The following SGCZ variants were observed in gnomAD, a reference collection of about 807,000 sequenced individuals.
SGCZ encodes the protein sarcoglycan zeta, also known as zeta-sarcoglycan.
SGCZ carries 40 observed loss-of-function variants against 41.3 expected under a neutral mutation model. The ratio of observed to expected loss-of-function variants is 0.97; its 90% confidence interval spans 0.75 to 1.26. The LOEUF (loss-of-function observed/expected upper bound fraction) is 1.26. Among genes scored for constraint, SGCZ ranks in the 50% most tolerant of loss-of-function variants. The pLI is 0.00. For missense variants in SGCZ, 552 were observed against 369.8 expected (o/e 1.49, Z -4.04); for synonymous variants, 206 against 137.5 (o/e 1.50, Z -3.49).
At chr8:14,568,459 A>G (rs1231704271) in intron 1 of SGCZ, among the ~76,000 whole-genome samples, 1 of 147,634 alleles carries the variant, frequency 6.8e-6, no homozygotes, top group Non-Finnish European at 1.5e-5. Flanking sequence ...AAAAAAAAAA[A>G]ACTAAAGAAG....
chr8:14,218,886 T>C (rs1331262531), intron 4 of SGCZ, among the ~76,000 whole-genome samples: 2 of 152,104 alleles, frequency 1.3e-5, no homozygotes, highest in East Asian at 1.9e-4. Context: ...AGGCCAGCCA[T>C]TGAAGTCTAC....
At chr8:14,871,142 G>A (rs1365574345) in intron 1 of SGCZ, among the ~76,000 whole-genome samples, 1 of 152,066 alleles carries the variant, frequency 6.6e-6, no homozygotes, top group Non-Finnish European at 1.5e-5. Context: ...AAGAGGCAGA[G>A]GTTAACGTGA....
intron 1 of SGCZ, among the ~76,000 whole-genome samples, chr8:14,733,190 C>T (rs1798920267): frequency 6.6e-6 from 1 of 152,120 alleles, no homozygotes; most frequent in Non-Finnish European, 1.5e-5. Flanking sequence ...CCTAACTGCC[C>T]CAGGGCCAGG....
chr8:14,901,072 G>C (rs1798952239), intron 1 of SGCZ, among the ~76,000 whole-genome samples: 1 of 152,052 alleles, frequency 6.6e-6, no homozygotes, highest in South Asian at 2.1e-4. Context: ...CTTACTCAAA[G>C]GAAGAGAGCT....
At position 15,224,907 on chromosome 8, in the gene SGCZ, T is replaced by G. The variant is rs572190179; in HGVS notation, c.39+12678A>C. Among the ~76,000 whole-genome samples, 319 of 152,242 alleles carry G rather than the reference T, an allele frequency of 2.1e-3. 1 individual carries two copies. The highest frequency in any genetic ancestry group is 6.8e-3 in the African/African-American group (283 of 41,552). ...GTTTTAATTCACCAGGAAAATATAA[T>G]TTTAAACTTATATGTATCTTATAAC... On this transcript the variant is annotated intron_variant, in intron 1 of 7. Coordinates refer to ENST00000382080, the MANE Select transcript of SGCZ (RefSeq NM_139167.4).
At chr8:14,236,192 G>C (rs567826839) in intron 4 of SGCZ, among the ~76,000 whole-genome samples, 1 of 152,076 alleles carries the variant, frequency 6.6e-6, no homozygotes, top group Non-Finnish European at 1.5e-5. Flanking sequence ...TAAGTGGATG[G>C]TTCTTGCTTC....
intron 1 of SGCZ, among the ~76,000 whole-genome samples, chr8:14,955,277 T>G (rs1369329982): frequency 6.6e-6 from 1 of 152,232 alleles, no homozygotes; most frequent in Non-Finnish European, 1.5e-5. Flanking sequence ...TTGATGTGTG[T>G]AGCTATACTG....
chr8:14,272,974 C>CGAATTA (rs991126900), intron 3 of SGCZ, among the ~76,000 whole-genome samples: 15 of 151,326 alleles, frequency 9.9e-5, no homozygotes, highest in African/African-American at 3.6e-4. Flanking sequence ...GTGTGAATGT[C>CGAATTA]GAATTAGAAA....
intron 1 of SGCZ, among the ~76,000 whole-genome samples, chr8:15,223,247 CTAT>C (rs910657398): frequency 6.6e-6 from 1 of 152,150 alleles, no homozygotes; most frequent in Non-Finnish European, 1.5e-5. Flanking sequence ...AAGCTAAGCA[CTAT>C]CTAAAATGGA....
chr8:14,633,188 C>T (rs1158463802), intron 1 of SGCZ, among the ~76,000 whole-genome samples: 1 of 151,902 alleles, frequency 6.6e-6, no homozygotes. Flanking sequence ...TTGCTACCTG[C>T]ATAATTCATC....
intron 1 of SGCZ, among the ~76,000 whole-genome samples, chr8:15,034,042 G>C (rs1008360534): frequency 1.3e-5 from 2 of 151,824 alleles, no homozygotes; most frequent in East Asian, 1.9e-4. Context: ...CCTAAATTAA[G>C]AAGAAATATT....
chr8:15,191,424 T>C (rs1800533272), intron 1 of SGCZ, among the ~76,000 whole-genome samples: 1 of 152,086 alleles, frequency 6.6e-6, no homozygotes, highest in Admixed American at 6.6e-5. Context: ...AAGGGATTTA[T>C]ACTGAACTAT....
intron 1 of SGCZ, among the ~76,000 whole-genome samples, chr8:14,804,162 C>A (rs368267758): frequency 1.1e-5 from 1 of 87,660 alleles, no homozygotes. Context: ...AACTCTAAAA[C>A]GCAGAGCGCC....
At chr8:14,823,552 G>C (rs1470798233) in intron 1 of SGCZ, among the ~76,000 whole-genome samples, 2 of 152,106 alleles carry the variant, frequency 1.3e-5, no homozygotes, top group Non-Finnish European at 2.9e-5. Context: ...AGGTAGAATG[G>C]CTATTAAGAA....
intron 1 of SGCZ, among the ~76,000 whole-genome samples, chr8:15,153,066 C>T (rs964312090): frequency 6.6e-6 from 1 of 152,154 alleles, no homozygotes; most frequent in African/African-American, 2.4e-5. Context: ...CAGAGTTTCT[C>T]ATCTAAACCA....
At chr8:14,563,427 G>T (rs535248747) in intron 1 of SGCZ, among the ~76,000 whole-genome samples, 2 of 152,286 alleles carry the variant, frequency 1.3e-5, no homozygotes, top group African/African-American at 2.4e-5. Flanking sequence ...GAAAAAAGTC[G>T]TTAAGGAAAT....
At chr8:15,012,537 TA>T (rs368205869) in intron 1 of SGCZ, among the ~76,000 whole-genome samples, 2 of 101,434 alleles carry the variant, frequency 2.0e-5, no homozygotes, top group Admixed American at 8.7e-5. Context: ...TATGAACATA[TA>T]AAAATATGAA....
At chr8:15,024,862 G>A (rs561630223) in intron 1 of SGCZ, among the ~76,000 whole-genome samples, 3 of 152,158 alleles carry the variant, frequency 2.0e-5, no homozygotes, top group Non-Finnish European at 2.9e-5. Flanking sequence ...CGTGAACCCC[G>A]GAGGCGGAGC....
chr8:14,798,391 A>G (rs1190428625), intron 1 of SGCZ, among the ~76,000 whole-genome samples: 1 of 152,222 alleles, frequency 6.6e-6, no homozygotes, highest in Non-Finnish European at 1.5e-5. Context: ...TATGTTACTT[A>G]CAGGCTTTAA....
Sources: gnomAD v4.1 joint callset for allele counts (sites outside exome capture counted in the v4.1 genomes callset) on GRCh38, gnomAD v4.1.1 for gene constraint, MANE v1.5 for transcripts, NCBI Gene and HGNC (gene_info 2026-07-23, HGNC 2026-07-21) for gene names.